NAPSA: variants seen among roughly 807,000 people sequenced by gnomAD.
NAPSA encodes napsin-A.
A neutral mutation model predicts 36.7 loss-of-function variants in NAPSA; 37 were observed. The ratio of observed to expected loss-of-function variants is 1.01; its 90% CI spans 0.78 to 1.33. The LOEUF is 1.33. NAPSA is among the 40% of genes most tolerant of loss of function. NAPSA has a pLI of 0.00. For synonymous variants in NAPSA, 222 were observed against 234.5 expected, an observed-to-expected ratio of 0.95 and a Z score of 0.49; for missense variants, 532 against 543.8, an observed-to-expected ratio of 0.98 and a Z score of 0.21.
chr19:50,365,011 A>AAAT (rs112903812), intron 1 of NAPSA, among the ~76,000 whole-genome samples: 4,452 of 140,550 alleles, frequency 0.032, 194 homozygotes, highest in African/African-American at 0.093. Flanking sequence ...TAATAATAAT[A>AAAT]AATAATAATA....
At chr19:50,362,363 C>G in intron 1 of NAPSA, 50 bp from the exon 2 acceptor site, 1 of 1,525,914 alleles carries the variant, frequency 6.6e-7, no homozygotes. Flanking sequence ...TGGAGAACCT[C>G]TAAATAGACT....
upstream of NAPSA, among the ~76,000 whole-genome samples, chr19:50,367,935 A>T (rs1180917767): frequency 6.6e-6 from 1 of 152,078 alleles, no homozygotes; most frequent in Non-Finnish European, 1.5e-5. Context: ...AGGCAGGCGG[A>T]TCACTTGAGG....
rs1260120891 is a variant in NAPSA at position 50,362,316 on chromosome 19, G to C, written c.84-3C>G. 1.9e-6 allele frequency: 3 copies of C among 1,596,362 alleles called. No individual in the cohort carries two copies. The Admixed American group carries it at 5.3e-5, about 28-fold the overall frequency. ...GTTGGACTCGATGAAGAGGGATGCT[G>C]TAGGGAAAGAGGATATTGACAGGAA... On this transcript the variant is annotated splice_polypyrimidine_tract_variant and splice_region_variant and intron_variant, in intron 1 of 8. Transcript: ENST00000253719.
intron 1 of NAPSA, chr19:50,362,701 G>A (rs1328000535): frequency 1.3e-5 from 2 of 159,682 alleles, no homozygotes; most frequent in Non-Finnish European, 2.7e-5. Flanking sequence ...CACCCTTGAG[G>A]AGAAAAATGT....
intron 1 of NAPSA, among the ~76,000 whole-genome samples, chr19:50,364,326 A>AG (rs1369546972): frequency 7.4e-6 from 1 of 135,396 alleles, no homozygotes; most frequent in East Asian, 2.3e-4. Flanking sequence ...AAAAAAAAAA[A>AG]AAAAAAAGGC....
At chr19:50,365,740 CCGCAGGTGA>C (rs375095244), upstream of NAPSA, 196 of 786,390 alleles carry the variant, frequency 2.5e-4, no homozygotes, top group African/African-American at 3.0e-3. Context: ...TGAAATCTGT[CCGCAGGTGA>C]CGCAGTGGGA....
Position 50,359,820 on chromosome 19 carries a change from G to T in NAPSA, c.711C>A (p.Gly237=), listed in dbSNP as rs151042743. 6.2e-7 allele frequency: 1 copy of T among 1,614,202 alleles called. No homozygotes were observed. Among genetic ancestry groups the T allele is most frequent in the Admixed American group, 1.7e-5 (1 of 60,032 alleles). The change falls in exon 6 of 9, where the codon GGC becomes GGA. Residue 237 remains glycine (G), a synonymous_variant. Transcript: ENST00000253719. ...GTGGGATGTAGTGTGCCGGGTCCGA[G>T]CCCCCCAGGACCAGCTCTCCTCCAT... ...EPDGGELVLG[G]SDPAHYIPPL...
intron 1 of NAPSA, among the ~76,000 whole-genome samples, chr19:50,363,180 TG>T (rs1218161202): frequency 1.3e-5 from 2 of 152,044 alleles, no homozygotes; most frequent in African/African-American, 4.8e-5. Flanking sequence ...TCACCCCCCA[TG>T]AGTCAGTCTT....
upstream of NAPSA, among the ~76,000 whole-genome samples, chr19:50,366,219 C>T (rs1262714813): frequency 6.7e-6 from 1 of 149,154 alleles, no homozygotes; most frequent in Non-Finnish European, 1.5e-5. Context: ...GAGTTTCACT[C>T]TTGTTGCCCA....
At chr19:50,364,040 C>T (rs2037509060) in intron 1 of NAPSA, among the ~76,000 whole-genome samples, 1 of 152,128 alleles carries the variant, frequency 6.6e-6, no homozygotes, top group African/African-American at 2.4e-5. Flanking sequence ...CATGTCCTGG[C>T]CAGGCGCAGT....
chr19:50,367,528 CAG>C (rs1601131476), upstream of NAPSA, among the ~76,000 whole-genome samples: 2 of 151,368 alleles, frequency 1.3e-5, no homozygotes, highest in East Asian at 3.9e-4. Context: ...TTCTCTCAAA[CAG>C]AGTCAGTCTC....
At chr19:50,365,383 G>A (rs1369450990) in intron 1 of NAPSA, among the ~76,000 whole-genome samples, 156 bp downstream of exon 1, 1 of 152,204 alleles carries the variant, frequency 6.6e-6, no homozygotes, top group Non-Finnish European at 1.5e-5. Context: ...GCCCTTAGGG[G>A]TGACAGCCTG....
intron 1 of NAPSA, among the ~76,000 whole-genome samples, chr19:50,363,028 A>AC (rs59829927): frequency 0.011 from 1,635 of 152,188 alleles, 30 homozygotes; most frequent in African/African-American, 0.034. Flanking sequence ...TTGGAGACTC[A>AC]TTTTCTTTGC....
In NAPSA at chr19:50,358,751, C is replaced by G. The variant is rs1220951452; in HGVS notation, c.1065G>C (p.Leu355Phe). ...QTTRNGVRLC[L>F]SGFQALDVPP... ...GGACATCCAGGGCCTGGAAACCGGACAAGCAGAGGCGGACGCCATTTCGAG... is the reference window on the plus strand; with the variant it reads ...GGACATCCAGGGCCTGGAAACCGGAGAAGCAGAGGCGGACGCCATTTCGAG... The change falls in exon 9 of 9, where the codon TTG becomes TTC. Residue 355 changes from leucine (L) to phenylalanine (F), a missense_variant. By Grantham distance (22) the Leu-to-Phe change is conservative. Around this residue, in one of 3 missense-constraint regions of NAPSA, gnomAD observed 385 missense variants for 371.5 expected, o/e 1.04. Coordinates refer to ENST00000253719, the MANE Select transcript of NAPSA (RefSeq NM_004851.3). The G allele has an allele frequency of 1.2e-6, 2 of 1,612,776 alleles. No homozygotes were observed. The highest frequency in any genetic ancestry group is 1.3e-5 in the African/African-American group (1 of 74,846).
rs781024919 is a variant in NAPSA at position 50,358,648 on chromosome 19, T to C, written c.1168A>G (p.Met390Val). The change falls in exon 9 of 9, where the codon ATG becomes GTG. Residue 390 changes from methionine (M) to valine (V), a missense_variant. Met to Val is a conservative substitution (Grantham distance 21, BLOSUM62 1). Coordinates refer to ENST00000253719, the MANE Select transcript of NAPSA (RefSeq NM_004851.3). ...TYVAVFDRGD[M>V]KSSARVGLAR... is the part of the protein sequence containing the mutation. ...AGGCCCACCCGGGCGCTGCTCTTCA[T>C]GTCCCCGCGGTCGAAGACGGCCACA... 4.3e-6 allele frequency: 7 copies of C among 1,612,958 alleles called. No individual in the cohort carries two copies. Among genetic ancestry groups the C allele is most frequent in the Non-Finnish European group, 5.9e-6 (7 of 1,179,930 alleles).
rs370091126 is a variant in NAPSA at position 50,362,089 on chromosome 19, G to A, written c.229C>T (p.Gln77Ter). ...FVPLSNYRDVQYFGEIGLGTP... is the reference protein window; with the variant it reads ...FVPLSNYRDV ...CCCAGCCCAATTTCCCCAAAATACT[G>A]CACCTGATAGCAAAAGAGGAGAGTA... The change falls in exon 3 of 9, where the codon CAG becomes TAG. Residue 77 changes from glutamine to a stop codon, truncating the protein, a stop_gained. Transcript: ENST00000253719. LOFTEE classifies it high-confidence loss of function. The A allele has an allele frequency of 8.7e-6, 14 of 1,613,980 alleles. No individual in the cohort carries two copies. Among genetic ancestry groups the A allele is most frequent in the Middle Eastern group, 1.6e-4 (1 of 6,066 alleles).
At chr19:50,362,473 C>T in intron 1 of NAPSA, 160 bp from the exon 2 acceptor site, 1 of 578,470 alleles carries the variant, frequency 1.7e-6, no homozygotes, top group South Asian at 3.0e-5. Flanking sequence ...AAAAGCCCAT[C>T]AAAGATGCCA....
upstream of NAPSA, among the ~76,000 whole-genome samples, chr19:50,367,549 C>CCTCTCTCTCTCTCTCTCTCT (rs779681679): frequency 3.0e-5 from 4 of 133,076 alleles, no homozygotes; most frequent in African/African-American, 1.1e-4. Flanking sequence ...TCTCTCTCTC[C>CCTCTCTCTCTCTCTCTCTCT]CTCTCTCTCT....
upstream of NAPSA, among the ~76,000 whole-genome samples, chr19:50,366,895 G>A (rs146913075): frequency 3.0e-4 from 45 of 150,926 alleles, 1 homozygote; most frequent in East Asian, 6.2e-3. Flanking sequence ...GTGTAATGGC[G>A]CCATCTTGGC....
Sources: gnomAD v4.1 joint callset for allele counts (sites outside exome capture counted in the v4.1 genomes callset) on GRCh38, gnomAD v4.1.1 for gene constraint, gnomAD v4.1.1 regional missense constraint, MANE v1.5 for transcripts, NCBI Gene and HGNC (gene_info 2026-07-23, HGNC 2026-07-21) for gene names.